The following B3GALNT2 variants were observed in gnomAD, a reference collection of about 807,000 sequenced individuals.
B3GALNT2 encodes beta-1,3-N-acetylgalactosaminyltransferase 2, also known as UDP-GalNAc:beta-1,3-N-acetylgalactosaminyltransferase 2.
B3GALNT2 carries 53 observed loss-of-function variants against 61.1 expected under a neutral mutation model. The ratio of observed to expected loss-of-function variants is 0.87; its 90% CI spans 0.70 to 1.09. The LOEUF is 1.09. Among genes scored for constraint, B3GALNT2 ranks in the 50% least tolerant of loss-of-function variants. The pLI, the probability that B3GALNT2 is intolerant of heterozygous loss-of-function variation, is 0.00. For synonymous variants in B3GALNT2, 223 were observed against 237.4 expected (o/e 0.94, Z 0.56); for missense variants, 544 against 623.0 (o/e 0.87, Z 1.35).
the B3GALNT2 span, among the ~76,000 whole-genome samples, chr1:235,440,336 C>G: frequency 6.6e-6 from 1 of 151,902 alleles, no homozygotes; most frequent in Non-Finnish European, 1.5e-5. Flanking sequence ...GGTGGCGCAC[C>G]ATGCTCCACT....
rs1191888566 is a variant in B3GALNT2 at position 235,504,384 on chromosome 1, G to C, written c.-132C>G. 9.7e-7 allele frequency: 1 copy of C among 1,034,154 alleles called. No individual in the cohort carries two copies. 64.1% of individuals were successfully genotyped at this position (1,034,154 alleles called of 1,614,324 possible). Reference sequence around the variant, plus strand: ...CACGCCCGCCCTCGCGCTCGGCGACGTCTGGGGGGCTCCTCGCAGCTCCCG... The same window carrying C: ...CACGCCCGCCCTCGCGCTCGGCGACCTCTGGGGGGCTCCTCGCAGCTCCCG... On this transcript the variant is annotated 5_prime_UTR_variant, in exon 1 of 12. Transcript: ENST00000366600.
rs6429095 is a variant in B3GALNT2, at chr1:235,447,970, G to T, written c.*2236C>A. On this transcript the variant is annotated 3_prime_UTR_variant, in exon 12 of 12. Transcript: ENST00000366600. ...TCATGCTTGTAATCCCAGCACTTTGGGGGGCCAGGGCGGGCGGATCACGAG... is the reference window on the plus strand; with the variant it reads ...TCATGCTTGTAATCCCAGCACTTTGTGGGGCCAGGGCGGGCGGATCACGAG... 6.6e-6 allele frequency among the ~76,000 whole-genome samples: 1 copy of T among 151,478 alleles called. No individual in the cohort carries two copies. Among genetic ancestry groups the T allele is most frequent in the Non-Finnish European group, 1.5e-5 (1 of 67,852 alleles).
rs748747275 is a variant in B3GALNT2 at position 235,494,871 on chromosome 1, T to G, written c.113-43A>C. On this transcript the variant is annotated intron_variant, in intron 1 of 11. Coordinates refer to ENST00000366600, the MANE Select transcript of B3GALNT2 (RefSeq NM_152490.5). Reference sequence around the variant, plus strand: ...ACATGAGAAATAAGTCATGTATCAATTACTATGAAGTTCAATATGTATCAT... The same window carrying G: ...ACATGAGAAATAAGTCATGTATCAAGTACTATGAAGTTCAATATGTATCAT... 2.0e-6 allele frequency: 3 copies of G among 1,509,074 alleles called. No homozygotes were observed. The South Asian group carries it at 3.6e-5, about 18-fold the overall frequency. The allele number at this position is 1,509,074 out of a possible 1,614,324, so 93.5% of individuals were successfully genotyped here.
rs185747793 is a variant in B3GALNT2, at chr1:235,488,900, A to T, written c.361+268T>A. Among the ~76,000 whole-genome samples the T allele has an allele frequency of 1.5e-3, 232 of 151,978 alleles. 1 individual carries two copies. Among genetic ancestry groups the T allele is most frequent in the African/African-American group, 5.3e-3 (218 of 41,422 alleles). On this transcript the variant is annotated intron_variant, in intron 3 of 11. Transcript: ENST00000366600. ...GAGACCTCAACTCTACAAAAAATTTAAAAAATTAGCCAGTTTTCGTGGCAT... is the reference window on the plus strand; with the variant it reads ...GAGACCTCAACTCTACAAAAAATTTTAAAAATTAGCCAGTTTTCGTGGCAT...
At chr1:235,499,041 A>G (rs567590501) in intron 1 of B3GALNT2, among the ~76,000 whole-genome samples, 2 of 152,236 alleles carry the variant, frequency 1.3e-5, no homozygotes, top group Middle Eastern at 6.8e-3. Context: ...TTTATTAATC[A>G]TAGTGTCACC....
chr1:235,462,628 AG>A (rs1055513571), intron 7 of B3GALNT2, among the ~76,000 whole-genome samples: 2 of 152,268 alleles, frequency 1.3e-5, no homozygotes, highest in African/African-American at 4.8e-5. Context: ...AGCATCAAAA[AG>A]ATAACATAAG....
the B3GALNT2 span, among the ~76,000 whole-genome samples, chr1:235,440,400 A>T: frequency 2.9e-4 from 44 of 151,536 alleles, no homozygotes; most frequent in East Asian, 1.2e-3. Flanking sequence ...GTATATATAT[A>T]TATTTTTTTG....
rs551030877 is a variant in B3GALNT2, at chr1:235,447,893, T to TACTTGGGTAAAGTG, written c.*2299_*2312dup. 1.3e-5 allele frequency among the ~76,000 whole-genome samples: 2 copies of TACTTGGGTAAAGTG among 152,116 alleles called. No individual in the cohort carries two copies. The highest frequency in any genetic ancestry group is 6.6e-5 in the Admixed American group (1 of 15,266). ...AGACTCAGGCTTTCCCCTAATTACT[T>TACTTGGGTAAAGTG]ACTTGGGTAAAGTGACTTGGGTAAA... On this transcript the variant is annotated 3_prime_UTR_variant, in exon 12 of 12. Coordinates refer to ENST00000366600, the MANE Select transcript of B3GALNT2 (RefSeq NM_152490.5).
chr1:235,444,656 T>A (rs1012077185), downstream of B3GALNT2, among the ~76,000 whole-genome samples: 1 of 152,180 alleles, frequency 6.6e-6, no homozygotes, highest in African/African-American at 2.4e-5. Context: ...TCTCCTGTCA[T>A]CACCTCCCAA....
At chr1:235,482,848 C>T (rs148170374) in intron 4 of B3GALNT2, among the ~76,000 whole-genome samples, 43 of 148,792 alleles carry the variant, frequency 2.9e-4, no homozygotes, top group Admixed American at 7.3e-4. Context: ...AAAACCGAAA[C>T]CCAAACCAAA....
chr1:235,489,479 A>G (rs949948326), intron 2 of B3GALNT2, among the ~76,000 whole-genome samples: 1 of 152,250 alleles, frequency 6.6e-6, no homozygotes, highest in Admixed American at 6.5e-5. Context: ...CCTTATTGCA[A>G]TGCTATATTA....
chr1:235,468,002 A>C (rs773913341), intron 6 of B3GALNT2, among the ~76,000 whole-genome samples: 2 of 151,712 alleles, frequency 1.3e-5, no homozygotes, highest in Non-Finnish European at 2.9e-5. Flanking sequence ...CTGGTCTCGA[A>C]CTCCTGACTT....
chr1:235,470,516 T>C (rs1261760250), intron 6 of B3GALNT2, among the ~76,000 whole-genome samples: 1 of 144,662 alleles, frequency 6.9e-6, no homozygotes, highest in East Asian at 2.0e-4. Flanking sequence ...AGGTGGAGGC[T>C]GCAGTGAGCT....
chr1:235,465,779 C>T (rs1384297017), intron 6 of B3GALNT2, 65 bp from the exon 7 acceptor site: 7 of 1,576,298 alleles, frequency 4.4e-6, no homozygotes, highest in Middle Eastern at 1.7e-4. Context: ...ATTTTAAAAT[C>T]GATTTGACAA....
chr1:235,504,224 G>C lies in B3GALNT2; in HGVS notation c.29C>G (p.Pro10Arg), dbSNP rs1335073175. MRNWLVLLC[P>R]CVLGAALHLW... ...GTGCAGCGCGGCCCCGAGCACACAC[G>C]GGCACAGCAGCACCAGCCAGTTTCG... The change falls in exon 1 of 12, where the codon CCG becomes CGG. Residue 10 changes from proline (P) to arginine (R), a missense_variant. Transcript: ENST00000366600. The C allele has an allele frequency of 3.6e-5, 53 of 1,474,644 alleles. No homozygotes were observed. The highest frequency in any genetic ancestry group is 4.6e-5 in the Admixed American group (2 of 43,130). 91.3% of individuals were successfully genotyped at this position (1,474,644 alleles called of 1,614,324 possible).
chr1:235,483,394 AT>A (rs1433591537), intron 4 of B3GALNT2, among the ~76,000 whole-genome samples: 1 of 152,184 alleles, frequency 6.6e-6, no homozygotes, highest in African/African-American at 2.4e-5. Flanking sequence ...AAATACATAC[AT>A]TTACAGATTG....
chr1:235,468,728 G>T (rs911452360), intron 6 of B3GALNT2, among the ~76,000 whole-genome samples: 6 of 71,850 alleles, frequency 8.4e-5, no homozygotes, highest in Non-Finnish European at 2.5e-4. Context: ...TGGGATTACA[G>T]GCGTGAGCCA....
chr1:235,447,701 A>G lies in B3GALNT2; in HGVS notation c.*2505T>C, dbSNP rs920133447. On this transcript the variant is annotated 3_prime_UTR_variant, in exon 12 of 12. Transcript: ENST00000366600. ...AGTCATCATAAAGGTTTAAAAAGAAAACGTTAATGACTCGCTCCCTTTATT... is the reference window on the plus strand; with the variant it reads ...AGTCATCATAAAGGTTTAAAAAGAAGACGTTAATGACTCGCTCCCTTTATT... Among the ~76,000 whole-genome samples, 3 of 152,180 alleles carry G rather than the reference A, an allele frequency of 2.0e-5. No individual in the cohort carries two copies. The highest frequency in any genetic ancestry group is 7.2e-5 in the African/African-American group (3 of 41,432).
chr1:235,496,753 C>T (rs1189531072), intron 1 of B3GALNT2, among the ~76,000 whole-genome samples: 1 of 152,070 alleles, frequency 6.6e-6, no homozygotes, highest in Non-Finnish European at 1.5e-5. Flanking sequence ...ACCATCTTGG[C>T]CAGGCTGGTG....
Sources: gnomAD v4.1 joint callset for allele counts (sites outside exome capture counted in the v4.1 genomes callset) on GRCh38, gnomAD v4.1.1 for gene constraint, MANE v1.5 for transcripts, NCBI Gene and HGNC (gene_info 2026-07-23, HGNC 2026-07-21) for gene names.